Variants in ATP11B observed in about 807,000 individuals in gnomAD.
ATP11B encodes phospholipid-transporting ATPase IF.
ATP11B carries 81 observed loss-of-function variants against 157.8 expected under a neutral mutation model. The ratio of observed to expected loss-of-function variants is 0.51; its 90% CI spans 0.43 to 0.62. The LOEUF (loss-of-function observed/expected upper bound fraction) is 0.62. ATP11B is among the 20% of genes least tolerant of loss of function. The probability of loss-of-function intolerance (pLI) is 0.00; values close to 1 mark genes in which losing one functional copy is unlikely to be tolerated. For missense variants in ATP11B, 1,165 were observed against 1,402.2 expected (o/e 0.83, Z 2.70); for synonymous variants, 451 against 469.4 (o/e 0.96, Z 0.51).
chr3:182,867,506 A>G, intron 15 of ATP11B, 62 bp downstream of exon 15: 3 of 1,141,778 alleles, frequency 2.6e-6, no homozygotes, highest in Non-Finnish European at 3.9e-6. Flanking sequence ...TAGAATAAGG[A>G]TCAGTAAACT....
At chr3:182,835,700 T>C (rs1718495636) in intron 4 of ATP11B, among the ~76,000 whole-genome samples, 1 of 152,074 alleles carries the variant, frequency 6.6e-6, no homozygotes. Context: ...ATATTTATAC[T>C]ATTTGAAGAC....
chr3:182,816,756 A>C (rs1304927004), intron 1 of ATP11B, among the ~76,000 whole-genome samples: 1 of 152,242 alleles, frequency 6.6e-6, no homozygotes, highest in African/African-American at 2.4e-5. Flanking sequence ...GTATACGCTT[A>C]TCAGAAAAAT....
intron 12 of ATP11B, among the ~76,000 whole-genome samples, chr3:182,862,342 G>A (rs2108537656): frequency 6.6e-6 from 1 of 152,088 alleles, no homozygotes; most frequent in South Asian, 2.1e-4. Flanking sequence ...TTGATTCAGT[G>A]GGCCACACCT....
At chr3:182,884,202 CAG>C (rs1174328988) in intron 21 of ATP11B, among the ~76,000 whole-genome samples, 2 of 151,940 alleles carry the variant, frequency 1.3e-5, no homozygotes, top group African/African-American at 2.4e-5. Context: ...TCATATTTAT[CAG>C]AGGAAATGTT....
intron 1 of ATP11B, among the ~76,000 whole-genome samples, chr3:182,797,476 G>A (rs1430288798): frequency 2.6e-5 from 4 of 152,192 alleles, no homozygotes; most frequent in Admixed American, 6.5e-5. Context: ...GGGAGGCCGA[G>A]ACAGGCAGAT....
chr3:182,796,849 A>G (rs1715639796), intron 1 of ATP11B, among the ~76,000 whole-genome samples: 1 of 152,228 alleles, frequency 6.6e-6, no homozygotes, highest in Non-Finnish European at 1.5e-5. Context: ...CCCAGAAAAA[A>G]GTTAGAAAAT....
At chr3:182,799,989 A>G (rs1715885803) in intron 1 of ATP11B, among the ~76,000 whole-genome samples, 2 of 152,138 alleles carry the variant, frequency 1.3e-5, no homozygotes, top group African/African-American at 2.4e-5. Context: ...GCCTGCCTTT[A>G]GTCCCAGCTA....
intron 1 of ATP11B, among the ~76,000 whole-genome samples, chr3:182,811,208 G>T (rs144942519): frequency 2.0e-5 from 3 of 152,064 alleles, no homozygotes; most frequent in African/African-American, 7.2e-5. Flanking sequence ...ATAGTAAACA[G>T]CACTTCATAA....
rs907154843 is a variant in ATP11B, at chr3:182,842,924, G to A, written c.704+802G>A. On this transcript the variant is annotated intron_variant, in intron 8 of 29. Transcript: ENST00000323116. ...TAGTCCAGTCTATCATAGTGGATAA[G>A]TATCTCTCAGAGTAAGGTCACTCAG... Among the ~76,000 whole-genome samples the A allele has an allele frequency of 3.9e-5, 6 of 152,328 alleles. 1 individual carries two copies. Among genetic ancestry groups the A allele is most frequent in the Admixed American group, 6.5e-5 (1 of 15,300 alleles).
At chr3:182,914,510 C>T in intron 29 of ATP11B, 1 of 985,380 alleles carries the variant, frequency 1.0e-6, no homozygotes. Flanking sequence ...TCCCCTACCT[C>T]TTCTTATGTC....
rs74800185 is a variant in ATP11B at position 182,864,311 on chromosome 3, A to G, written c.1201-1145A>G. Among the ~76,000 whole-genome samples the G allele has an allele frequency of 3.0e-3, 456 of 152,272 alleles. 2 individuals are homozygous for G. Among genetic ancestry groups the G allele is most frequent in the African/African-American group, 0.01 (431 of 41,576 alleles). ...TTAAGTACAATGTTGAGTAAAAGTG[A>G]CAAAAGCAGTCTTATTCCTGATCTT... On this transcript the variant is annotated intron_variant, in intron 12 of 29. Coordinates refer to ENST00000323116, the MANE Select transcript of ATP11B (RefSeq NM_014616.3).
intron 1 of ATP11B, among the ~76,000 whole-genome samples, chr3:182,810,205 G>A (rs1275157880): frequency 1.3e-5 from 2 of 152,094 alleles, no homozygotes; most frequent in African/African-American, 4.8e-5. Flanking sequence ...CGTGGTGGGT[G>A]CCTGTAATCC....
chr3:182,813,075 T>A (rs1207015926), intron 1 of ATP11B, among the ~76,000 whole-genome samples: 1 of 152,238 alleles, frequency 6.6e-6, no homozygotes, highest in Non-Finnish European at 1.5e-5. Flanking sequence ...GTATAATATT[T>A]CATTGCCTGT....
intron 1 of ATP11B, among the ~76,000 whole-genome samples, chr3:182,819,716 A>C (rs1311897402): frequency 6.6e-6 from 1 of 152,236 alleles, no homozygotes; most frequent in Non-Finnish European, 1.5e-5. Context: ...CTGGGAACAA[A>C]GCTCTTTGCA....
intron 28 of ATP11B, among the ~76,000 whole-genome samples, chr3:182,913,062 G>A (rs1468211350): frequency 6.6e-6 from 1 of 151,936 alleles, no homozygotes; most frequent in African/African-American, 2.4e-5. Context: ...TATCTTGCTG[G>A]GCTATTTATG....
At chr3:182,816,145 TAAG>T (rs1353346718) in intron 1 of ATP11B, among the ~76,000 whole-genome samples, 1 of 151,278 alleles carries the variant, frequency 6.6e-6, no homozygotes, top group Non-Finnish European at 1.5e-5. Context: ...ACAAGTCCAG[TAAG>T]AAAAAAAAAG....
intron 1 of ATP11B, among the ~76,000 whole-genome samples, chr3:182,819,078 T>C (rs552833500): frequency 5.8e-5 from 4 of 69,220 alleles, no homozygotes; most frequent in Admixed American, 5.4e-4. Flanking sequence ...TTCTAATATT[T>C]CTTTTTTTTT....
chr3:182,821,916 G>C (rs1003574995), intron 2 of ATP11B, among the ~76,000 whole-genome samples: 35 of 152,002 alleles, frequency 2.3e-4, no homozygotes, highest in South Asian at 2.1e-4. Flanking sequence ...TCCTAACCTC[G>C]TCTTTCCCAA....
chr3:182,885,011 A>ACTGTTATTTTT, intron 22 of ATP11B, 113 bp downstream of exon 22: 1 of 676,158 alleles, frequency 1.5e-6, no homozygotes, highest in Non-Finnish European at 2.2e-6. Flanking sequence ...AAGTAAAAAT[A>ACTGTTATTTTT]ACAGTATTTT....
Sources: allele counts gnomAD v4.1 joint callset (sites outside exome capture counted in the v4.1 genomes callset), GRCh38; gene constraint gnomAD v4.1.1; transcripts MANE v1.5; gene names NCBI Gene and HGNC (gene_info 2026-07-23, HGNC 2026-07-21).